Variants in PRKCA observed in about 807,000 individuals in gnomAD.
PRKCA encodes protein kinase C alpha.
In PRKCA, 27 loss-of-function variants were observed where a neutral mutation model predicts 87.0. The ratio of observed to expected loss-of-function variants is 0.31; its 90% CI spans 0.23 to 0.43. PRKCA has a LOEUF of 0.43. Ranked by LOEUF, PRKCA falls within the 20% of genes least tolerant of loss-of-function variation. The probability of loss-of-function intolerance (pLI) is 1.00; values close to 1 mark genes in which losing one functional copy is unlikely to be tolerated. For missense variants in PRKCA, 518 were observed against 852.3 expected, an observed-to-expected ratio of 0.61 and a Z score of 4.88; for synonymous variants, 329 against 311.1, an observed-to-expected ratio of 1.06 and a Z score of -0.61.
chr17:66,306,107 A>G lies in PRKCA; in HGVS notation c.185A>G (p.Lys62Arg). The G allele has an allele frequency of 6.2e-7, 1 of 1,612,600 alleles. No homozygotes were observed. The highest frequency in any genetic ancestry group is 8.5e-7 in the Non-Finnish European group (1 of 1,179,472). Residue 62 changes from lysine (K) to arginine (R), a missense_variant, in exon 2 of 17, where the codon AAA becomes AGA. Coordinates refer to ENST00000413366, the MANE Select transcript of PRKCA (RefSeq NM_002737.3). ...HCTDFIWGFG[K>R]QGFQCQVCCF... ...TTTTTGTTTTTCAGGGGGTTTGGGA[A>G]ACAAGGCTTCCAGTGCCAAGGTAAG...
intron 3 of PRKCA, among the ~76,000 whole-genome samples, chr17:66,575,153 C>T (rs1373622327): frequency 6.6e-6 from 1 of 152,132 alleles, no homozygotes; most frequent in Non-Finnish European, 1.5e-5. Context: ...CCGATGGCTA[C>T]GAAGAGACTA....
At chr17:66,509,786 GC>G (rs1408171969) in intron 3 of PRKCA, among the ~76,000 whole-genome samples, 2 of 152,170 alleles carry the variant, frequency 1.3e-5, no homozygotes, top group East Asian at 3.9e-4. Context: ...TTTGCCACAG[GC>G]AGACTTGTTT....
In PRKCA at chr17:66,302,671, C is replaced by T; in HGVS notation, c.-181C>T. 9.5e-6 allele frequency: 2 copies of T among 211,198 alleles called. No homozygotes were observed. The highest frequency in any genetic ancestry group is 1.6e-5 in the Non-Finnish European group (2 of 123,932). The allele number at this position is 211,198 out of a possible 1,614,324, so 13.1% of individuals were successfully genotyped here. A position where few individuals can be genotyped will look rare whatever the true frequency, so the allele number is the denominator to read the frequency against. On this transcript the variant is annotated 5_prime_UTR_variant, in exon 1 of 17. Transcript: ENST00000413366. ...GGCTCCGGCTCCCGCTCCCGCTCCG[C>T]GCAGCACCAGCCCGACTCTCCCCGG...
Position 66,803,965 on chromosome 17 carries a change from C to T in PRKCA, c.1947C>T (p.Asp649=). The T allele has an allele frequency of 6.2e-7, 1 of 1,614,108 alleles. No homozygotes were observed. The highest frequency in any genetic ancestry group is 1.3e-5 in the African/African-American group (1 of 75,026). ...ATCAGCTGGTTATTGCTAACATAGA[C>T]CAGTCTGATTTTGAAGGGTTCTCGT... ...PPDQLVIANI[D]QSDFEGFSYV... The change falls in exon 17 of 17, where the codon GAC becomes GAT. Residue 649 remains aspartate (D), a synonymous_variant. Transcript: ENST00000413366. The surrounding 1 kb of genome is among the most constrained non-coding windows in gnomAD (Gnocchi z 4.4).
At chr17:66,321,669 A>C (rs1391077631) in intron 2 of PRKCA, among the ~76,000 whole-genome samples, 1 of 152,094 alleles carries the variant, frequency 6.6e-6, no homozygotes, top group Non-Finnish European at 1.5e-5. Context: ...TCAGCCTCCC[A>C]AGTAGCTGGG....
At chr17:66,327,194 G>C (rs980519481) in intron 2 of PRKCA, among the ~76,000 whole-genome samples, 2 of 151,766 alleles carry the variant, frequency 1.3e-5, no homozygotes, top group Admixed American at 1.3e-4. Context: ...GTGAAACCCC[G>C]TCTCTACTAA....
At chr17:66,410,147 A>G (rs1413082984) in intron 2 of PRKCA, among the ~76,000 whole-genome samples, 1 of 152,068 alleles carries the variant, frequency 6.6e-6, no homozygotes, top group Non-Finnish European at 1.5e-5. Flanking sequence ...TATAGCAAAT[A>G]TATTAATGGA....
chr17:66,724,985 T>C (rs1347438700), intron 8 of PRKCA, among the ~76,000 whole-genome samples: 2 of 152,178 alleles, frequency 1.3e-5, no homozygotes, highest in Non-Finnish European at 2.9e-5. Flanking sequence ...GAGCCAGAGA[T>C]CCCAGCTGGA....
At chr17:66,547,859 A>G (rs895701942) in intron 3 of PRKCA, among the ~76,000 whole-genome samples, 2 of 152,234 alleles carry the variant, frequency 1.3e-5, no homozygotes, top group African/African-American at 4.8e-5. Context: ...ATTCTGACAC[A>G]TTAAAGCACT....
At chr17:66,501,686 C>T (rs1249615240) in intron 3 of PRKCA, among the ~76,000 whole-genome samples, 3 of 152,182 alleles carry the variant, frequency 2.0e-5, no homozygotes, top group Admixed American at 2.0e-4. Context: ...GCCCAGTACC[C>T]CATTCCAGCA....
At chr17:66,437,030 A>G (rs570646567) in intron 2 of PRKCA, among the ~76,000 whole-genome samples, 1 of 152,270 alleles carries the variant, frequency 6.6e-6, no homozygotes, top group South Asian at 2.1e-4. Context: ...TAGGAAAAAG[A>G]TGGAGTGGTG....
At chr17:66,538,784 A>G (rs1172590871) in intron 3 of PRKCA, among the ~76,000 whole-genome samples, 1 of 152,218 alleles carries the variant, frequency 6.6e-6, no homozygotes, top group Non-Finnish European at 1.5e-5. Flanking sequence ...TGAGTACCGT[A>G]GCAAAACAGA....
At chr17:66,352,631 T>G (rs1317508956) in intron 2 of PRKCA, among the ~76,000 whole-genome samples, 1 of 133,612 alleles carries the variant, frequency 7.5e-6, no homozygotes, top group Non-Finnish European at 1.6e-5. Context: ...TGGCGCAATC[T>G]CAGCTCACTG....
At chr17:66,345,986 G>A (rs1205560931) in intron 2 of PRKCA, among the ~76,000 whole-genome samples, 1 of 152,144 alleles carries the variant, frequency 6.6e-6, no homozygotes, top group African/African-American at 2.4e-5. Flanking sequence ...ATGTCCATGA[G>A]GGCAGTGTTG....
At chr17:66,456,037 G>C (rs1914562371) in intron 2 of PRKCA, among the ~76,000 whole-genome samples, 2 of 152,036 alleles carry the variant, frequency 1.3e-5, no homozygotes, top group African/African-American at 4.8e-5. Flanking sequence ...AAGACACAGA[G>C]ACACACAGGA....
chr17:66,459,910 T>C (rs1445084230), intron 2 of PRKCA, among the ~76,000 whole-genome samples: 1 of 152,180 alleles, frequency 6.6e-6, no homozygotes, highest in Non-Finnish European at 1.5e-5. Flanking sequence ...ACATGGTACA[T>C]GTGCAGGAAG....
chr17:66,603,669 C>T (rs1970122149), intron 3 of PRKCA, among the ~76,000 whole-genome samples: 1 of 152,132 alleles, frequency 6.6e-6, no homozygotes, highest in Admixed American at 6.5e-5. Flanking sequence ...AGGTTTAGCA[C>T]CTTCATAATG....
intron 2 of PRKCA, among the ~76,000 whole-genome samples, chr17:66,407,650 A>T (rs1408820545): frequency 6.6e-6 from 1 of 152,098 alleles, no homozygotes; most frequent in Non-Finnish European, 1.5e-5. Context: ...TATAGTTTGT[A>T]TATGCACATT....
chr17:66,441,110 C>T (rs1913721240), intron 2 of PRKCA, among the ~76,000 whole-genome samples: 1 of 149,784 alleles, frequency 6.7e-6, no homozygotes, highest in Non-Finnish European at 1.5e-5. Context: ...TGCATTGAGC[C>T]CAGATCGCGG....
Sources: gnomAD v4.1 joint callset for allele counts (sites outside exome capture counted in the v4.1 genomes callset) on GRCh38, gnomAD v4.1.1 for gene constraint, Gnocchi (gnomAD v3.1) non-coding constraint, MANE v1.5 for transcripts, NCBI Gene and HGNC (gene_info 2026-07-23, HGNC 2026-07-21) for gene names.